C2CD3: variants seen among roughly 807,000 people sequenced by gnomAD.
The protein encoded by C2CD3 is C2 domain-containing protein 3.
A neutral mutation model predicts 234.0 loss-of-function variants in C2CD3; 148 were observed. That is an observed-to-expected ratio of 0.63 (90% confidence interval 0.55 to 0.72). The LOEUF is 0.72. Ranked by LOEUF, C2CD3 falls within the 30% of genes least tolerant of loss-of-function variation. The pLI is 0.00. For synonymous variants in C2CD3, 1,000 were observed against 1,035.4 expected (o/e 0.97, Z 0.66); for missense variants, 2,577 against 2,811.5 (o/e 0.92, Z 1.89).
intron 14 of C2CD3, among the ~76,000 whole-genome samples, 167 bp from the exon 15 acceptor site, chr11:74,100,843 A>C (rs1328558975): frequency 6.6e-6 from 1 of 152,244 alleles, no homozygotes; most frequent in Admixed American, 6.5e-5. Flanking sequence ...GAGAAGTAGC[A>C]GTCTGCTGTT....
chr11:74,024,751 C>A (rs979703746), intron 32 of C2CD3, among the ~76,000 whole-genome samples: 1 of 152,066 alleles, frequency 6.6e-6, no homozygotes, highest in African/African-American at 2.4e-5. Context: ...ATTTCTTAGG[C>A]CATCCAGTGC....
intron 31 of C2CD3, among the ~76,000 whole-genome samples, chr11:74,031,180 TG>T (rs1471466791): frequency 6.6e-6 from 1 of 152,254 alleles, no homozygotes; most frequent in Non-Finnish European, 1.5e-5. Context: ...GCAGTTTACA[TG>T]ATTATTTTCA....
chr11:74,094,747 C>T (rs1169817721), intron 17 of C2CD3, among the ~76,000 whole-genome samples: 1 of 152,114 alleles, frequency 6.6e-6, no homozygotes, highest in African/African-American at 2.4e-5. Context: ...ATAAAGAAAA[C>T]AGAGTCTACC....
At chr11:74,115,075 G>A (rs1270708386) in intron 9 of C2CD3, among the ~76,000 whole-genome samples, 7 of 150,484 alleles carry the variant, frequency 4.7e-5, no homozygotes, top group African/African-American at 1.7e-4. Context: ...TATAGTACAA[G>A]AAATCTCAAA....
chr11:74,042,244 T>C, intron 28 of C2CD3, 26 bp from the exon 29 acceptor site: 1 of 1,303,788 alleles, frequency 7.7e-7, no homozygotes, highest in African/African-American at 1.6e-5. Context: ...AAAAAAAAAG[T>C]AGGAGCAAAA....
chr11:74,066,780 A>G (rs1229284531), intron 24 of C2CD3, among the ~76,000 whole-genome samples: 1 of 152,214 alleles, frequency 6.6e-6, no homozygotes, highest in African/African-American at 2.4e-5. Context: ...TTAGTCCACA[A>G]GTAGAAGAAT....
chr11:74,101,350 G>GT (rs747233888), intron 14 of C2CD3, among the ~76,000 whole-genome samples: 5 of 152,182 alleles, frequency 3.3e-5, no homozygotes, highest in Non-Finnish European at 7.4e-5. Context: ...AGGGACAACT[G>GT]TAACAGTAGA....
At chr11:74,072,033 C>A (rs373258537) in intron 24 of C2CD3, among the ~76,000 whole-genome samples, 1 of 151,740 alleles carries the variant, frequency 6.6e-6, no homozygotes. Flanking sequence ...AAAAAACTTT[C>A]CAAAAATAAA....
intron 1 of C2CD3, among the ~76,000 whole-genome samples, chr11:74,169,376 T>C (rs1272460091): frequency 2.0e-5 from 3 of 152,258 alleles, no homozygotes; most frequent in Non-Finnish European, 4.4e-5. Flanking sequence ...TTGTCTTTCA[T>C]TCATAGTACC....
intron 32 of C2CD3, among the ~76,000 whole-genome samples, chr11:74,026,667 T>G (rs1215454297): frequency 6.6e-6 from 1 of 152,132 alleles, no homozygotes; most frequent in East Asian, 1.9e-4. Context: ...CAGAGAGTTG[T>G]GAGTCAGAAG....
intron 3 of C2CD3, 141 bp downstream of exon 3, chr11:74,161,258 G>C (rs1051768242): frequency 6.1e-6 from 3 of 487,980 alleles, no homozygotes; most frequent in Non-Finnish European, 7.0e-6. Context: ...AGGTCTACTG[G>C]GTAAAAACAT....
In C2CD3 at chr11:74,114,378, A is replaced by T. The variant is rs1177522463; in HGVS notation, c.1730+6T>A. ...CAAATTTAGCTTTCTCATGTTAGAG[A>T]CATACCGCTTTTTTGCTGTAGTCAC... On this transcript the variant is annotated splice_donor_region_variant and intron_variant, in intron 10 of 32. Coordinates refer to ENST00000334126, the MANE Select transcript of C2CD3 (RefSeq NM_001286577.2). 2 of 1,608,954 alleles carry T rather than the reference A, an allele frequency of 1.2e-6. No homozygotes were observed. Among genetic ancestry groups the T allele is most frequent in the East Asian group, 4.5e-5 (2 of 44,842 alleles).
In C2CD3 at chr11:74,078,429, T is replaced by A. The variant is rs1318480052; in HGVS notation, c.4289A>T (p.His1430Leu). 6.2e-7 allele frequency: 1 copy of A among 1,614,206 alleles called. No homozygotes were observed. Among genetic ancestry groups the A allele is most frequent in the Non-Finnish European group, 8.5e-7 (1 of 1,180,034 alleles). ...CVLLAGHNHIHKNTYCYLRYK... is the reference protein window; with the variant it reads ...CVLLAGHNHILKNTYCYLRYK... ...GCGAAGGTAGCAATATGTATTCTTA[T>A]GAATGTGGTTGTGGCCAGCAAGCAG... Residue 1430 changes from histidine to leucine, a missense_variant, in exon 23 of 33, where the codon CAT becomes CTT. Transcript: ENST00000334126.
In C2CD3 at chr11:74,114,417, C is replaced by G. The variant is rs771798773; in HGVS notation, c.1697G>C (p.Gly566Ala). The change falls in exon 10 of 33, where the codon GGT becomes GCT. Residue 566 changes from glycine to alanine, a missense_variant. Physicochemically the swap from Gly to Ala is moderately conservative, Grantham distance 60. Transcript: ENST00000334126. Reference protein sequence around the residue: ...QMTPGKKSYAGPPPKVTTAKK... With the variant: ...QMTPGKKSYAAPPPKVTTAKK... ...TGCTGTAGTCACCTTAGGTGGTGGA[C>G]CAGCATAGCTTTTTTTGCCAGGGGT... The G allele has an allele frequency of 6.2e-7, 1 of 1,613,958 alleles. No individual in the cohort carries two copies. The highest frequency in any genetic ancestry group is 1.1e-5 in the South Asian group (1 of 91,084).
chr11:74,029,317 G>A (rs1186520730), intron 31 of C2CD3, among the ~76,000 whole-genome samples: 3 of 152,080 alleles, frequency 2.0e-5, no homozygotes, highest in Non-Finnish European at 2.9e-5. Context: ...TTTTATCGTC[G>A]TTCTTCTACA....
intron 24 of C2CD3, 49 bp from the exon 25 acceptor site, chr11:74,057,593 C>T (rs1339402541): frequency 6.2e-7 from 1 of 1,601,234 alleles, no homozygotes; most frequent in Non-Finnish European, 8.6e-7. Context: ...ACACAAGAAG[C>T]CTCAGATTAT....
At chr11:74,069,985 C>G (rs1049738873) in intron 24 of C2CD3, among the ~76,000 whole-genome samples, 4 of 152,104 alleles carry the variant, frequency 2.6e-5, no homozygotes, top group Non-Finnish European at 2.9e-5. Context: ...ACATGGGAAC[C>G]CAGAGGTGTC....
chr11:74,117,101 A>AAT (rs1180002486), intron 9 of C2CD3, among the ~76,000 whole-genome samples: 1 of 10,238 alleles, frequency 9.8e-5, no homozygotes, highest in African/African-American at 6.4e-4. Flanking sequence ...TATATATATG[A>AAT]ATATATATAT....
chr11:74,040,358 G>A (rs887539489), intron 29 of C2CD3, among the ~76,000 whole-genome samples: 3 of 152,062 alleles, frequency 2.0e-5, no homozygotes, highest in African/African-American at 7.2e-5. Context: ...TGGGGCTGCT[G>A]GTCTATAGCA....
Sources: gnomAD v4.1 joint callset for allele counts (sites outside exome capture counted in the v4.1 genomes callset) on GRCh38, gnomAD v4.1.1 for gene constraint, MANE v1.5 for transcripts, NCBI Gene and HGNC (gene_info 2026-07-23, HGNC 2026-07-21) for gene names.